Variants in ING4 observed in about 807,000 individuals in gnomAD.
ING4 encodes inhibitor of growth family member 4, also known as inhibitor of growth protein 4.
ING4 carries 28 observed loss-of-function variants against 33.1 expected under a neutral mutation model. The ratio of observed to expected loss-of-function variants is 0.85; its 90% confidence interval spans 0.63 to 1.16. The LOEUF (loss-of-function observed/expected upper bound fraction) is 1.16, where lower values mean the gene tolerates loss of function less well. Ranked by LOEUF, ING4 falls within the 50% of genes most tolerant of loss-of-function variation. ING4 has a pLI of 0.00. For missense variants in ING4, 247 were observed against 314.7 expected, an observed-to-expected ratio of 0.78 and a Z score of 1.63; for synonymous variants, 87 against 104.4, an observed-to-expected ratio of 0.83 and a Z score of 1.02.
intron 1 of ING4, among the ~76,000 whole-genome samples, chr12:6,661,860 C>A (rs139114422): frequency 2.0e-5 from 3 of 152,272 alleles, no homozygotes; most frequent in African/African-American, 7.2e-5. Flanking sequence ...AGGTTCTTAT[C>A]TCTGTCCTGG....
rs1592312666 is a variant in ING4 at position 6,650,857 on chromosome 12, C to T, written c.*338G>A. On this transcript the variant is annotated 3_prime_UTR_variant, in exon 8 of 8. Coordinates refer to ENST00000341550, the MANE Select transcript of ING4 (RefSeq NM_016162.4). ...TGGGGGACTGCCCCCATGCTATGCC[C>T]CAGTCCTTAAATACAAAGCAAGGAG... is the stretch of plus-strand genomic sequence containing the variant. 2 of 374,672 alleles carry T rather than the reference C, an allele frequency of 5.3e-6. No homozygotes were observed. Among genetic ancestry groups the T allele is most frequent in the East Asian group, 5.3e-5 (1 of 19,022 alleles). 23.2% of individuals were successfully genotyped at this position (374,672 alleles called of 1,614,324 possible).
chr12:6,660,813 A>C (rs999028834), intron 1 of ING4, among the ~76,000 whole-genome samples: 1 of 151,436 alleles, frequency 6.6e-6, no homozygotes, highest in African/African-American at 2.4e-5. Context: ...TCCGCTGAGT[A>C]ACTTTCTTTT....
chr12:6,655,657 A>C, intron 2 of ING4: 2 of 1,122,318 alleles, frequency 1.8e-6, no homozygotes, highest in Non-Finnish European at 1.1e-6. Context: ...GGCAGTTCTC[A>C]GGGAACTGTG....
chr12:6,662,082 C>T (rs925990185), intron 1 of ING4, among the ~76,000 whole-genome samples: 4 of 152,178 alleles, frequency 2.6e-5, no homozygotes, highest in African/African-American at 9.7e-5. Context: ...AATACGCTGA[C>T]CTCTGAGTCA....
Position 6,652,421 on chromosome 12 carries a change from G to A in ING4, c.498-3C>T. On this transcript the variant is annotated splice_region_variant and splice_polypyrimidine_tract_variant and intron_variant, in intron 5 of 7. Coordinates refer to ENST00000341550, the MANE Select transcript of ING4 (RefSeq NM_016162.4). ...AGGGCATCCCATACTCAGGACTTCT[G>A]CATGCCAAGAGGAAGAGAAAGTGTC... 1 of 1,613,566 alleles carries A rather than the reference G, an allele frequency of 6.2e-7. No homozygotes were observed. Among genetic ancestry groups the A allele is most frequent in the Non-Finnish European group, 8.5e-7 (1 of 1,179,692 alleles).
At position 6,651,312 on chromosome 12, in the gene ING4, C is replaced by G; in HGVS notation, c.707+12G>C. 1 of 1,614,168 alleles carries G rather than the reference C, an allele frequency of 6.2e-7. No homozygotes were observed. Among genetic ancestry groups the G allele is most frequent in the Non-Finnish European group, 8.5e-7 (1 of 1,179,992 alleles). On this transcript the variant is annotated intron_variant, in intron 7 of 7. Transcript: ENST00000341550. ...CACTCAACTTAGGGACCCTCCAACT[C>G]CTGCCACTTACCATTTCCCCCGAGG...
At chr12:6,662,636 T>G (rs900357479) in intron 1 of ING4, among the ~76,000 whole-genome samples, 1 of 152,156 alleles carries the variant, frequency 6.6e-6, no homozygotes, top group Non-Finnish European at 1.5e-5. Flanking sequence ...CAGTGGTCAC[T>G]CATCACCACC....
chr12:6,652,152 G>A (rs991158377), intron 6 of ING4, 119 bp downstream of exon 6: 6 of 1,256,630 alleles, frequency 4.8e-6, no homozygotes, highest in Non-Finnish European at 4.4e-6. Flanking sequence ...GAGCTACTAC[G>A]TCCAGCCCAT....
At chr12:6,662,582 A>C (rs376814511) in intron 1 of ING4, among the ~76,000 whole-genome samples, 12 of 152,214 alleles carry the variant, frequency 7.9e-5, no homozygotes, top group Middle Eastern at 3.2e-3. Flanking sequence ...GATGGGAATT[A>C]GATCTTTACT....
intron 6 of ING4, among the ~76,000 whole-genome samples, chr12:6,651,897 G>A (rs116142617): frequency 7.0e-6 from 1 of 142,292 alleles, no homozygotes; most frequent in Non-Finnish European, 1.5e-5. Flanking sequence ...TTGTCGCCCA[G>A]GTTAGAGTGT....
intron 2 of ING4, among the ~76,000 whole-genome samples, chr12:6,653,926 A>G (rs570624306): frequency 6.6e-6 from 1 of 152,058 alleles, no homozygotes; most frequent in Admixed American, 6.6e-5. Context: ...GCAGTGGCAC[A>G]ATCATGGCTC....
chr12:6,654,658 C>G (rs1262817928), intron 2 of ING4, among the ~76,000 whole-genome samples: 1 of 151,986 alleles, frequency 6.6e-6, no homozygotes, highest in African/African-American at 2.4e-5. Flanking sequence ...TTTGGCTCAT[C>G]ATTGCAACTT....
intron 1 of ING4, among the ~76,000 whole-genome samples, chr12:6,660,601 C>T (rs548114285): frequency 6.6e-6 from 1 of 150,448 alleles, no homozygotes; most frequent in African/African-American, 2.4e-5. Context: ...GAGTGAGACT[C>T]TGTCTCAAAA....
Position 6,650,910 on chromosome 12 carries a change from C to T in ING4, c.*285G>A. On this transcript the variant is annotated 3_prime_UTR_variant, in exon 8 of 8. Coordinates refer to ENST00000341550, the MANE Select transcript of ING4 (RefSeq NM_016162.4). ...TGAAAAGGACCCTCCCTCTGAAATA[C>T]AGCACCGACCTCAGCATGGAGGCAA... The T allele has an allele frequency of 1.9e-6, 1 of 514,212 alleles. No homozygotes were observed. The highest frequency in any genetic ancestry group is 2.4e-5 in the South Asian group (1 of 42,108). The allele number at this position is 514,212 out of a possible 1,614,324, so 31.9% of individuals were successfully genotyped here.
chr12:6,656,427 G>T (rs1219165297), intron 2 of ING4: 1 of 269,108 alleles, frequency 3.7e-6, no homozygotes, highest in Admixed American at 5.9e-5. Context: ...TGCCCGCCTA[G>T]GCCTCCCAAA....
chr12:6,662,711 T>G (rs7397940), intron 1 of ING4, among the ~76,000 whole-genome samples: 142,805 of 152,120 alleles, frequency 0.94, 67,345 homozygotes, highest in Non-Finnish European at 0.97. Flanking sequence ...CTTTACCGCT[T>G]CTCCAAATGG....
intron 1 of ING4, among the ~76,000 whole-genome samples, chr12:6,658,985 A>C (rs1250785607): frequency 6.6e-6 from 1 of 151,958 alleles, no homozygotes; most frequent in Non-Finnish European, 1.5e-5. Context: ...CATCCACCCC[A>C]TCCCTCTTGG....
In ING4 at chr12:6,656,092, G is replaced by A. The variant is rs569849091; in HGVS notation, c.109+635C>T. On this transcript the variant is annotated intron_variant, in intron 2 of 7. Coordinates refer to ENST00000341550, the MANE Select transcript of ING4 (RefSeq NM_016162.4). ...GACAGTAACATTAACAATGAGAGAA[G>A]TAGAAACATTCTAGTCATCCTATAA... 1.8e-4 allele frequency among the ~76,000 whole-genome samples: 28 copies of A among 152,190 alleles called. No homozygotes were observed. The South Asian group carries it at 4.8e-3, about 26-fold the overall frequency.
chr12:6,656,892 G>C, intron 1 of ING4, 94 bp from the exon 2 acceptor site: 2 of 726,898 alleles, frequency 2.8e-6, no homozygotes. Context: ...GGTGGCTCAC[G>C]CCTGCAATCC....
Sources: allele counts gnomAD v4.1 joint callset (sites outside exome capture counted in the v4.1 genomes callset), GRCh38; gene constraint gnomAD v4.1.1; transcripts MANE v1.5; gene names NCBI Gene and HGNC (gene_info 2026-07-23, HGNC 2026-07-21).